PKNOX2: variants seen among roughly 807,000 people sequenced by gnomAD.
PKNOX2 encodes homeobox protein PKNOX2.
Under a neutral mutation model 53.1 loss-of-function variants are expected in PKNOX2, and 14 were observed. The observed-to-expected ratio is 0.26, with a 90% CI of 0.17 to 0.41. PKNOX2 has a LOEUF of 0.41. Among genes scored for constraint, PKNOX2 ranks in the 10% least tolerant of loss-of-function variants. PKNOX2 has a pLI of 1.00. For synonymous variants in PKNOX2, 257 were observed against 242.8 expected (o/e 1.06, Z -0.54); for missense variants, 496 against 602.8 (o/e 0.82, Z 1.85).
intron 5 of PKNOX2, among the ~76,000 whole-genome samples, chr11:125,375,457 G>A (rs1272231781): frequency 2.6e-5 from 4 of 152,200 alleles, no homozygotes; most frequent in African/African-American, 4.8e-5. Flanking sequence ...TAGTACATGG[G>A]AGAGAGGGGA....
At chr11:125,203,179 C>T (rs1938648066) in intron 1 of PKNOX2, among the ~76,000 whole-genome samples, 1 of 152,158 alleles carries the variant, frequency 6.6e-6, no homozygotes. Context: ...GTGCAGTCAG[C>T]TGATCATGGC....
intron 1 of PKNOX2, among the ~76,000 whole-genome samples, chr11:125,228,368 G>A (rs933943347): frequency 2.6e-5 from 4 of 152,194 alleles, no homozygotes; most frequent in Non-Finnish European, 4.4e-5. Context: ...GGATGAAAAC[G>A]GGTGGCAGTC....
intron 5 of PKNOX2, among the ~76,000 whole-genome samples, chr11:125,376,388 C>A (rs971436008): frequency 1.4e-4 from 22 of 152,332 alleles, no homozygotes; most frequent in South Asian, 4.1e-4. Flanking sequence ...GCTCCCACCC[C>A]CCTCTGTTCT....
At chr11:125,396,833 C>G (rs890914166) in intron 6 of PKNOX2, among the ~76,000 whole-genome samples, 1 of 152,202 alleles carries the variant, frequency 6.6e-6, no homozygotes. Flanking sequence ...TCATCCCTGC[C>G]TTCTCAAAGC....
intron 2 of PKNOX2, among the ~76,000 whole-genome samples, chr11:125,250,524 G>A (rs750242842): frequency 3.9e-5 from 6 of 152,132 alleles, no homozygotes; most frequent in Non-Finnish European, 7.3e-5. Flanking sequence ...CTGTGTTGCG[G>A]GAGCTGTGCC....
intron 6 of PKNOX2, among the ~76,000 whole-genome samples, chr11:125,388,786 C>A (rs939208971): frequency 2.0e-5 from 3 of 152,166 alleles, no homozygotes; most frequent in Non-Finnish European, 2.9e-5. Flanking sequence ...ATCCGAAGAT[C>A]AGAGAGGTTC....
intron 10 of PKNOX2, among the ~76,000 whole-genome samples, chr11:125,428,392 A>G (rs1171812367): frequency 6.6e-6 from 1 of 152,182 alleles, no homozygotes; most frequent in African/African-American, 2.4e-5. Context: ...AGTGGGAATA[A>G]CAATACCTAA....
chr11:125,243,667 G>A (rs1565477899), intron 2 of PKNOX2, among the ~76,000 whole-genome samples: 1 of 150,388 alleles, frequency 6.6e-6, no homozygotes, highest in Non-Finnish European at 1.5e-5. Context: ...CTGTCGCCCA[G>A]GCTGGAGTGC....
At position 125,166,216 on chromosome 11, in the gene PKNOX2, T is replaced by A. The variant is rs530975446; in HGVS notation, c.-201+1440T>A. 1.8e-4 allele frequency among the ~76,000 whole-genome samples: 27 copies of A among 152,086 alleles called. No individual in the cohort carries two copies. Among genetic ancestry groups the A allele is most frequent in the Non-Finnish European group, 3.1e-4 (21 of 68,018 alleles). ...GCGTTTTTAGGATTCAGTAACAGGA[T>A]CACAGCTTTTTCTTGTGGTGGAAGC... On this transcript the variant is annotated intron_variant, in intron 1 of 12. Transcript: ENST00000298282. The surrounding 1 kb of genome is among the most constrained non-coding windows in gnomAD (Gnocchi z 4.0).
chr11:125,315,872 C>T (rs1055873292), intron 2 of PKNOX2, among the ~76,000 whole-genome samples: 3 of 152,170 alleles, frequency 2.0e-5, no homozygotes, highest in Non-Finnish European at 4.4e-5. Flanking sequence ...CAAGCAGGTA[C>T]CCTCACATTT....
chr11:125,399,633 G>A (rs768072773), intron 7 of PKNOX2, among the ~76,000 whole-genome samples: 2 of 152,076 alleles, frequency 1.3e-5, no homozygotes, highest in Non-Finnish European at 2.9e-5. Flanking sequence ...AGAATGCATC[G>A]GTCAGGAAAA....
intron 10 of PKNOX2, among the ~76,000 whole-genome samples, chr11:125,412,971 T>C (rs1955652428): frequency 6.6e-6 from 1 of 152,154 alleles, no homozygotes; most frequent in African/African-American, 2.4e-5. Flanking sequence ...TGACTGGGTC[T>C]TGGGGGCTCT....
chr11:125,431,450 T>C lies in PKNOX2; in HGVS notation c.*58T>C. On this transcript the variant is annotated 3_prime_UTR_variant, in exon 13 of 13. Coordinates refer to ENST00000298282, the MANE Select transcript of PKNOX2 (RefSeq NM_001382323.2). ...AGGAGAGGAGTGTCGCCGGGAGGCC[T>C]TCAGGGTGGGGGGGAAGGGGACATG... 2 of 186,162 alleles carry C rather than the reference T, an allele frequency of 1.1e-5. No individual in the cohort carries two copies. The highest frequency in any genetic ancestry group is 2.0e-5 in the Non-Finnish European group (2 of 97,968). The allele number at this position is 186,162 out of a possible 1,614,324, so 11.5% of individuals were successfully genotyped here.
chr11:125,192,939 G>A (rs1200058820), intron 1 of PKNOX2, among the ~76,000 whole-genome samples: 1 of 152,222 alleles, frequency 6.6e-6, no homozygotes, highest in Non-Finnish European at 1.5e-5. Context: ...ACTGCCCTGA[G>A]GTGACCTGAA....
intron 1 of PKNOX2, among the ~76,000 whole-genome samples, chr11:125,209,957 T>C (rs1326076756): frequency 1.3e-5 from 2 of 152,120 alleles, no homozygotes; most frequent in African/African-American, 4.8e-5. Flanking sequence ...GATCAGCACA[T>C]GCTCGAGGTC....
Position 125,165,997 on chromosome 11 carries a change from G to T in PKNOX2, c.-201+1221G>T, listed in dbSNP as rs1235606311. Among the ~76,000 whole-genome samples, 2 of 152,156 alleles carry T rather than the reference G, an allele frequency of 1.3e-5. No homozygotes were observed. Among genetic ancestry groups the T allele is most frequent in the Non-Finnish European group, 2.9e-5 (2 of 68,022 alleles). Reference sequence around the variant, plus strand: ...GCCGGGGGTTTCCGCGCGGTGGGGAGACTCGGGTTGGGAATTGAGGGGTAG... The same window carrying T: ...GCCGGGGGTTTCCGCGCGGTGGGGATACTCGGGTTGGGAATTGAGGGGTAG... On this transcript the variant is annotated intron_variant, in intron 1 of 12. Transcript: ENST00000298282. The surrounding 1 kb of genome is among the most constrained non-coding windows in gnomAD (Gnocchi z 4.5).
chr11:125,333,149 G>A (rs1265252284), intron 3 of PKNOX2, among the ~76,000 whole-genome samples: 1 of 152,218 alleles, frequency 6.6e-6, no homozygotes, highest in Non-Finnish European at 1.5e-5. Context: ...GCAGCTGTGG[G>A]CAGGGATTGA....
At chr11:125,405,106 C>G (rs1266812404) in intron 7 of PKNOX2, among the ~76,000 whole-genome samples, 1 of 152,186 alleles carries the variant, frequency 6.6e-6, no homozygotes, top group Non-Finnish European at 1.5e-5. Flanking sequence ...CTGCACCCCA[C>G]TCCGGCCACC....
chr11:125,339,563 C>G (rs552980856), intron 3 of PKNOX2, among the ~76,000 whole-genome samples: 18 of 152,242 alleles, frequency 1.2e-4, no homozygotes, highest in African/African-American at 4.3e-4. Flanking sequence ...GGGGAAAGGC[C>G]AAGTGGAGAC....
Sources: gnomAD v4.1 joint callset for allele counts (sites outside exome capture counted in the v4.1 genomes callset) on GRCh38, gnomAD v4.1.1 for gene constraint, Gnocchi (gnomAD v3.1) non-coding constraint, MANE v1.5 for transcripts, NCBI Gene and HGNC (gene_info 2026-07-23, HGNC 2026-07-21) for gene names.